Variants in OSBPL5 observed in about 807,000 individuals in gnomAD.
OSBPL5 encodes the protein oxysterol-binding protein-related protein 5.
In OSBPL5, 71 loss-of-function variants were observed where a neutral mutation model predicts 111.2. That is an observed-to-expected ratio of 0.64 (90% confidence interval 0.53 to 0.78). The LOEUF (loss-of-function observed/expected upper bound fraction) is 0.78, where lower values mean the gene tolerates loss of function less well. Ranked by LOEUF, OSBPL5 falls within the 30% of genes least tolerant of loss-of-function variation. The pLI, the probability that OSBPL5 is intolerant of heterozygous loss-of-function variation, is 0.00. For missense variants in OSBPL5, 1,210 were observed against 1,189.3 expected (o/e 1.02, Z -0.26); for synonymous variants, 549 against 513.9 (o/e 1.07, Z -0.93).
At chr11:3,136,016 G>A (rs1845939932) in intron 1 of OSBPL5, among the ~76,000 whole-genome samples, 1 of 152,200 alleles carries the variant, frequency 6.6e-6, no homozygotes, top group Non-Finnish European at 1.5e-5. Context: ...TCCACCACTG[G>A]GAGACAAGAG....
In OSBPL5 at chr11:3,103,302, A is replaced by T; in HGVS notation, c.1263T>A (p.Asp421Glu). The change falls in exon 11 of 22, where the codon GAT (aspartate) becomes GAA (glutamate). Residue 421 changes from aspartate (D) to glutamate (E), a missense_variant. Coordinates refer to ENST00000263650, the MANE Select transcript of OSBPL5 (RefSeq NM_020896.4). Reference sequence around the variant, plus strand: ...GCACCAGCTTCATGCGGCTGTAGGCATCCTCCTCCACCGCAGCCCTGCCAT... The same window carrying T: ...GCACCAGCTTCATGCGGCTGTAGGCTTCCTCCTCCACCGCAGCCCTGCCAT... ...DLLSRAAVEEDAYSRMKLVLR... is the reference protein window; with the variant it reads ...DLLSRAAVEEEAYSRMKLVLR... The T allele has an allele frequency of 1.0e-5, 16 of 1,607,302 alleles. No individual in the cohort carries two copies. Among genetic ancestry groups the T allele is most frequent in the Non-Finnish European group, 1.4e-5 (16 of 1,176,956 alleles).
chr11:3,112,613 C>T (rs1023207256), intron 7 of OSBPL5, among the ~76,000 whole-genome samples: 16 of 151,858 alleles, frequency 1.1e-4, no homozygotes, highest in African/African-American at 3.6e-4. Flanking sequence ...AAAAGCATCA[C>T]GTGGTCTAAC....
At position 3,106,685 on chromosome 11, in the gene OSBPL5, C is replaced by T. The variant is rs1442875860; in HGVS notation, c.1059+578G>A. On this transcript the variant is annotated intron_variant, in intron 9 of 21. Coordinates refer to ENST00000263650, the MANE Select transcript of OSBPL5 (RefSeq NM_020896.4). The surrounding 1 kb of genome is among the most constrained non-coding windows in gnomAD (Gnocchi z 8.4). Reference sequence around the variant, plus strand: ...ACGCCATCCTCCCTCCCGTCACTCACGTCTTCAGAAAGAGCCCATGGCCCG... The same window carrying T: ...ACGCCATCCTCCCTCCCGTCACTCATGTCTTCAGAAAGAGCCCATGGCCCG... 6.6e-6 allele frequency among the ~76,000 whole-genome samples: 1 copy of T among 152,234 alleles called. No individual in the cohort carries two copies. Among genetic ancestry groups the T allele is most frequent in the African/African-American group, 2.4e-5 (1 of 41,458 alleles).
intron 1 of OSBPL5, among the ~76,000 whole-genome samples, chr11:3,160,144 C>A (rs907431478): frequency 1.3e-5 from 2 of 152,142 alleles, no homozygotes; most frequent in Non-Finnish European, 2.9e-5. Context: ...CTTCCTAAGG[C>A]AGCAGGGGGT....
chr11:3,130,409 G>C lies in OSBPL5; in HGVS notation c.-21-1240C>G, dbSNP rs4758534. On this transcript the variant is annotated intron_variant, in intron 1 of 21. Coordinates refer to ENST00000263650, the MANE Select transcript of OSBPL5 (RefSeq NM_020896.4). This position sits in a 1 kb window ranked among gnomAD's most constrained non-coding sequence, Gnocchi z 4.5. ...CTCCCATGGTCCTGGGCTTTGCTGG[G>C]GGGGGCCTCAGACACACAGAGACTT... is the stretch of plus-strand genomic sequence containing the variant. Among the ~76,000 whole-genome samples the C allele has an allele frequency of 6.6e-6, 1 of 152,150 alleles. No homozygotes were observed. The highest frequency in any genetic ancestry group is 6.5e-5 in the Admixed American group (1 of 15,276).
chr11:3,158,460 G>A (rs1001479169), intron 1 of OSBPL5, among the ~76,000 whole-genome samples: 32 of 152,236 alleles, frequency 2.1e-4, no homozygotes, highest in African/African-American at 7.7e-4. Context: ...TCCTGTCCTG[G>A]CCCCAGGATG....
intron 3 of OSBPL5, among the ~76,000 whole-genome samples, chr11:3,124,943 C>T (rs952785485): frequency 2.0e-5 from 3 of 152,152 alleles, no homozygotes; most frequent in African/African-American, 4.8e-5. Flanking sequence ...GAGGCAAGAC[C>T]GCATGGCATG....
chr11:3,124,701 T>C (rs1858541799), intron 3 of OSBPL5, among the ~76,000 whole-genome samples: 1 of 152,126 alleles, frequency 6.6e-6, no homozygotes. Context: ...GCCGTTTCTG[T>C]GGTGAACTGA....
chr11:3,098,101 A>G (rs1857336043), intron 14 of OSBPL5, among the ~76,000 whole-genome samples: 1 of 152,076 alleles, frequency 6.6e-6, no homozygotes, highest in African/African-American at 2.4e-5. Flanking sequence ...CAAACAAACA[A>G]AAAAACCAGG....
chr11:3,099,425 T>C (rs988091891), intron 14 of OSBPL5, among the ~76,000 whole-genome samples: 1 of 152,198 alleles, frequency 6.6e-6, no homozygotes, highest in Admixed American at 6.5e-5. Context: ...TGATACCAAA[T>C]GTAGCACCTC....
chr11:3,104,449 C>A lies in OSBPL5; in HGVS notation c.1060-72G>T, dbSNP rs1301120406. The A allele has an allele frequency of 6.5e-7, 1 of 1,543,758 alleles. No homozygotes were observed. Among genetic ancestry groups the A allele is most frequent in the Non-Finnish European group, 8.7e-7 (1 of 1,146,302 alleles). ...GGAAGGGGTGGCGGGACAGTGGCAG[C>A]TCTGGCTGGAGGAGGCTGTACCTGC... On this transcript the variant is annotated intron_variant, in intron 9 of 21. Transcript: ENST00000263650. This position sits in a 1 kb window ranked among gnomAD's most constrained non-coding sequence, Gnocchi z 5.0.
In OSBPL5 at chr11:3,107,584, A is replaced by T. The variant is rs534157129; in HGVS notation, c.867-129T>A. On this transcript the variant is annotated intron_variant, in intron 8 of 21. Transcript: ENST00000263650. The surrounding 1 kb of genome is among the most constrained non-coding windows in gnomAD (Gnocchi z 6.1). ...GCCTGTCGTCACCTCCACAACCCAC[A>T]TTTGACACGATCAGCCCCGTTTTAG... 1 of 1,363,044 alleles carries T rather than the reference A, an allele frequency of 7.3e-7. No individual in the cohort carries two copies. Among genetic ancestry groups the T allele is most frequent in the African/African-American group, 1.4e-5 (1 of 69,038 alleles). The allele number at this position is 1,363,044 out of a possible 1,614,324, so 84.4% of individuals were successfully genotyped here.
chr11:3,103,817 TGCGCAGCCCC>T (rs1564830432), intron 10 of OSBPL5, among the ~76,000 whole-genome samples: 16 of 26,162 alleles, frequency 6.1e-4, no homozygotes, highest in Middle Eastern at 0.018. Context: ...TCTTCCTGCC[TGCGCAGCCCC>T]CTTCCAGCCT....
chr11:3,152,639 G>A (rs1027880899), intron 1 of OSBPL5, among the ~76,000 whole-genome samples: 1 of 152,218 alleles, frequency 6.6e-6, no homozygotes, highest in African/African-American at 2.4e-5. Context: ...GGCACGCAGC[G>A]CCCCTAAGCC....
chr11:3,098,062 C>A (rs1857333787), intron 14 of OSBPL5, among the ~76,000 whole-genome samples: 1 of 152,038 alleles, frequency 6.6e-6, no homozygotes, highest in Admixed American at 6.6e-5. Context: ...GAGTGAAACC[C>A]CAACTTCGTC....
chr11:3,157,137 G>GTGCC (rs1846792561), intron 1 of OSBPL5, among the ~76,000 whole-genome samples: 2 of 152,220 alleles, frequency 1.3e-5, no homozygotes, highest in African/African-American at 2.4e-5. Flanking sequence ...AGAGAGCCGC[G>GTGCC]TGCCTCCGTG....
chr11:3,105,493 G>A lies in OSBPL5; in HGVS notation c.1060-1116C>T, dbSNP rs1262115889. Among the ~76,000 whole-genome samples the A allele has an allele frequency of 6.6e-6, 1 of 152,102 alleles. No individual in the cohort carries two copies. Among genetic ancestry groups the A allele is most frequent in the Non-Finnish European group, 1.5e-5 (1 of 67,998 alleles). On this transcript the variant is annotated intron_variant, in intron 9 of 21. Transcript: ENST00000263650. This position sits in a 1 kb window ranked among gnomAD's most constrained non-coding sequence, Gnocchi z 5.2. ...AAATCATGGGTAGCTTCGGCTGTCAGGAATCCTGCTCTGTCCATGTGCTCC... is the reference window on the plus strand; with the variant it reads ...AAATCATGGGTAGCTTCGGCTGTCAAGAATCCTGCTCTGTCCATGTGCTCC...
chr11:3,143,296 C>T (rs1366375277), intron 1 of OSBPL5, among the ~76,000 whole-genome samples: 1 of 151,684 alleles, frequency 6.6e-6, no homozygotes, highest in Non-Finnish European at 1.5e-5. Context: ...GTGCGTGGAC[C>T]AGCGACCGGC....
At position 3,121,936 on chromosome 11, in the gene OSBPL5, T is replaced by G; in HGVS notation, c.402+61A>C. ...TTCAGGCCACCTGGTTTATGGTCCTTTGTTATGGCAGCAGCACGCTGACCC... is the reference window on the plus strand; with the variant it reads ...TTCAGGCCACCTGGTTTATGGTCCTGTGTTATGGCAGCAGCACGCTGACCC... On this transcript the variant is annotated intron_variant, in intron 5 of 21. Coordinates refer to ENST00000263650, the MANE Select transcript of OSBPL5 (RefSeq NM_020896.4). The surrounding 1 kb of genome is among the most constrained non-coding windows in gnomAD (Gnocchi z 4.3). 6.9e-7 allele frequency: 1 copy of G among 1,441,740 alleles called. No individual in the cohort carries two copies. Among genetic ancestry groups the G allele is most frequent in the Admixed American group, 2.0e-5 (1 of 50,616 alleles). The allele number at this position is 1,441,740 out of a possible 1,614,324, so 89.3% of individuals were successfully genotyped here.
Sources: allele counts gnomAD v4.1 joint callset (sites outside exome capture counted in the v4.1 genomes callset), GRCh38; gene constraint gnomAD v4.1.1; non-coding constraint Gnocchi (gnomAD v3.1); transcripts MANE v1.5; gene names NCBI Gene and HGNC (gene_info 2026-07-23, HGNC 2026-07-21).